Variants in SLC17A1 observed in about 807,000 individuals in gnomAD.
SLC17A1 encodes the protein solute carrier family 17 member 1, also known as sodium-dependent phosphate transport protein 1.
In SLC17A1, 51 loss-of-function variants were observed where a neutral mutation model predicts 53.5. The observed-to-expected ratio is 0.95, with a 90% confidence interval of 0.76 to 1.20. The LOEUF is 1.20. Among genes scored for constraint, SLC17A1 ranks in the 50% most tolerant of loss-of-function variants. SLC17A1 has a pLI of 0.00. For synonymous variants in SLC17A1, 179 were observed against 198.8 expected (o/e 0.90, Z 0.84); for missense variants, 538 against 568.2 (o/e 0.95, Z 0.54).
chr6:25,726,952 G>T, the SLC17A1 span: 4 of 1,614,068 alleles, frequency 2.5e-6, no homozygotes, highest in Non-Finnish European at 3.4e-6. Flanking sequence ...TCCAAGAAGG[G>T]CTTTAAGAAA....
At chr6:25,803,592 G>GT (rs1763857625) in intron 10 of SLC17A1, among the ~76,000 whole-genome samples, 1 of 152,032 alleles carries the variant, frequency 6.6e-6, no homozygotes, top group Admixed American at 6.6e-5. Context: ...AAAAGAGCAA[G>GT]TTTTTTGCCA....
At chr6:25,790,265 G>A (rs72843528) in intron 12 of SLC17A1, among the ~76,000 whole-genome samples, 9,473 of 152,070 alleles carry the variant, frequency 0.062, 374 homozygotes, top group Middle Eastern at 0.12. Context: ...CAGATCCATG[G>A]GTCTGGAAGA....
chr6:25,773,248 A>G, the SLC17A1 span: 1 of 1,555,384 alleles, frequency 6.4e-7, no homozygotes, highest in Non-Finnish European at 8.9e-7. Context: ...CAATCCATCC[A>G]GTGCTAACTG....
the SLC17A1 span, chr6:25,770,387 ATGGTATTAAC>A: frequency 6.2e-7 from 1 of 1,614,072 alleles, no homozygotes; most frequent in Non-Finnish European, 8.5e-7. Flanking sequence ...CCCCCAGGTT[ATGGTATTAAC>A]TGGTCAGTAT....
At chr6:25,727,217 A>C in the SLC17A1 span, 16 of 1,613,946 alleles carry the variant, frequency 9.9e-6, no homozygotes, top group African/African-American at 1.9e-4. Context: ...TGCGCTTGCT[A>C]CTGCCGGGAG....
At chr6:25,772,783 G>C in the SLC17A1 span, among the ~76,000 whole-genome samples, 3 of 152,190 alleles carry the variant, frequency 2.0e-5, 1 homozygote, top group Admixed American at 6.5e-5. Flanking sequence ...TGAATGGTGA[G>C]GGCATTTTCA....
the SLC17A1 span, among the ~76,000 whole-genome samples, chr6:25,727,520 C>T: frequency 1.3e-5 from 2 of 150,910 alleles, no homozygotes; most frequent in African/African-American, 2.4e-5. Context: ...GCCTCCTGAG[C>T]AGCTGGGACT....
chr6:25,744,928 C>A, the SLC17A1 span, among the ~76,000 whole-genome samples: 1 of 152,158 alleles, frequency 6.6e-6, no homozygotes, highest in Non-Finnish European at 1.5e-5. Flanking sequence ...AAACTATTAT[C>A]CAATTCAGCA....
chr6:25,726,542 T>C, the SLC17A1 span: 6 of 1,598,746 alleles, frequency 3.8e-6, no homozygotes, highest in South Asian at 1.1e-5. Context: ...TCGCATCAAA[T>C]TGCAGCAACA....
At chr6:25,745,319 T>C in the SLC17A1 span, among the ~76,000 whole-genome samples, 1 of 152,180 alleles carries the variant, frequency 6.6e-6, no homozygotes, top group Non-Finnish European at 1.5e-5. Flanking sequence ...TGGATTTTAT[T>C]AACATATATA....
chr6:25,739,003 T>C, the SLC17A1 span, among the ~76,000 whole-genome samples: 1 of 152,184 alleles, frequency 6.6e-6, no homozygotes, highest in African/African-American at 2.4e-5. Context: ...AACATATACT[T>C]ACAACATGAT....
the SLC17A1 span, among the ~76,000 whole-genome samples, chr6:25,758,823 C>A: frequency 2.0e-4 from 30 of 152,048 alleles, no homozygotes; most frequent in African/African-American, 7.2e-4. Context: ...TTGGTTATTT[C>A]TTTTCTTCTG....
the SLC17A1 span, among the ~76,000 whole-genome samples, chr6:25,738,541 GAAAA>G: frequency 2.1e-5 from 3 of 146,198 alleles, no homozygotes. Context: ...ATCCAGAAAA[GAAAA>G]AAAAAGTAAA....
chr6:25,819,901 A>C lies in SLC17A1; in HGVS notation c.222T>G (p.Asn74Lys). The change falls in exon 4 of 13, where the codon AAT becomes AAG. Residue 74 changes from asparagine to lysine, a missense_variant. Asn to Lys is a moderately conservative substitution (Grantham distance 94, BLOSUM62 0). Coordinates refer to ENST00000244527, the MANE Select transcript of SLC17A1 (RefSeq NM_005074.5). ...TGATTCCCTGGATATCTGGGCTCCA[A>C]TTATACATAGGGTTCTAAAAGACAA... ...LLDNIKNPMY[N>K]WSPDIQGIIL... 1.2e-6 allele frequency: 2 copies of C among 1,609,966 alleles called. No homozygotes were observed. The highest frequency in any genetic ancestry group is 1.7e-6 in the Non-Finnish European group (2 of 1,177,326).
the SLC17A1 span, among the ~76,000 whole-genome samples, chr6:25,759,697 C>T: frequency 0.079 from 12,000 of 152,208 alleles, 883 homozygotes; most frequent in African/African-American, 0.2. Context: ...GCTACTCCTG[C>T]TCGCTTTTGG....
chr6:25,746,134 A>G, the SLC17A1 span, among the ~76,000 whole-genome samples: 3 of 152,232 alleles, frequency 2.0e-5, no homozygotes, highest in Admixed American at 2.0e-4. Flanking sequence ...ACAAAAATGC[A>G]TCATGTCTTA....
At chr6:25,804,321 G>T (rs528704945) in intron 10 of SLC17A1, among the ~76,000 whole-genome samples, 9 of 152,192 alleles carry the variant, frequency 5.9e-5, no homozygotes, top group African/African-American at 2.2e-4. Flanking sequence ...GAGAAATAAA[G>T]TCATTTTCAG....
At chr6:25,760,040 G>C in the SLC17A1 span, among the ~76,000 whole-genome samples, 2 of 152,182 alleles carry the variant, frequency 1.3e-5, no homozygotes, top group Non-Finnish European at 2.9e-5. Flanking sequence ...AGCAATACAA[G>C]TGGGAGGATG....
intron 12 of SLC17A1, among the ~76,000 whole-genome samples, chr6:25,788,568 G>T (rs779713269): frequency 6.6e-6 from 1 of 152,214 alleles, no homozygotes; most frequent in Non-Finnish European, 1.5e-5. Flanking sequence ...TGCAGAGGGT[G>T]TCTGAGCTGG....
Sources: gnomAD v4.1 joint callset for allele counts (sites outside exome capture counted in the v4.1 genomes callset) on GRCh38, gnomAD v4.1.1 for gene constraint, MANE v1.5 for transcripts, NCBI Gene and HGNC (gene_info 2026-07-23, HGNC 2026-07-21) for gene names.